The following NEBL variants were observed in gnomAD, a reference collection of about 807,000 sequenced individuals.
NEBL encodes the protein nebulette.
A neutral mutation model predicts 140.2 loss-of-function variants in NEBL; 122 were observed. That is an observed-to-expected ratio of 0.87 (90% confidence interval 0.75 to 1.01). NEBL has a LOEUF of 1.01. Ranked by LOEUF, NEBL falls within the 50% of genes least tolerant of loss-of-function variation. NEBL has a pLI of 0.00. For synonymous variants in NEBL, 436 were observed against 398.9 expected, an observed-to-expected ratio of 1.09 and a Z score of -1.11; for missense variants, 1,365 against 1,231.3, an observed-to-expected ratio of 1.11 and a Z score of -1.62.
intron 3 of NEBL, among the ~76,000 whole-genome samples, chr10:20,973,686 A>T (rs1226870052): frequency 6.6e-6 from 1 of 151,992 alleles, no homozygotes; most frequent in Non-Finnish European, 1.5e-5. Context: ...TTTTAATTTA[A>T]CCTCCTTCTT....
chr10:21,192,840 A>G (rs1841594934), intron 3 of NEBL, among the ~76,000 whole-genome samples: 1 of 151,912 alleles, frequency 6.6e-6, no homozygotes, highest in Admixed American at 6.6e-5. Flanking sequence ...CTCAAAAAAA[A>G]AAAAAAGAGG....
In NEBL at chr10:20,930,589, A is replaced by C. The variant is rs373511767; in HGVS notation, c.357+31083T>G. Among the ~76,000 whole-genome samples the C allele has an allele frequency of 1.4e-4, 22 of 152,172 alleles. 1 individual carries two copies. Among genetic ancestry groups the C allele is most frequent in the African/African-American group, 5.3e-4 (22 of 41,512 alleles). ...CCTAGTCTCTCCTACTAAATCCTAC[A>C]CCAGTTCCCCTTTTGCTCAGTCCAG... On this transcript the variant is annotated intron_variant, in intron 4 of 6. Coordinates refer to the NEBL transcript ENST00000417816.
chr10:21,273,109 T>C (rs962377084), intron 1 of NEBL, among the ~76,000 whole-genome samples: 12 of 152,050 alleles, frequency 7.9e-5, no homozygotes, highest in African/African-American at 2.9e-4. Context: ...CATGATGAAA[T>C]TGGACAGCCA....
Position 20,877,486 on chromosome 10 carries a change from C to A in NEBL, c.480+3308G>T, listed in dbSNP as rs181124168. 2.6e-3 allele frequency among the ~76,000 whole-genome samples: 403 copies of A among 152,290 alleles called. 2 individuals carry two copies. The highest frequency in any genetic ancestry group is 9.5e-3 in the African/African-American group (393 of 41,558). On this transcript the variant is annotated intron_variant, in intron 5 of 27. Coordinates refer to ENST00000377122, the MANE Select transcript of NEBL (RefSeq NM_006393.3). ...TTTTAATAAAAAGCAGCCCCGAAGT[C>A]TTTTTCTTTTCTAACAAAGAGCAGC...
intron 4 of NEBL, among the ~76,000 whole-genome samples, chr10:20,911,159 G>A (rs1449677345): frequency 6.6e-6 from 1 of 152,068 alleles, no homozygotes; most frequent in East Asian, 1.9e-4. Flanking sequence ...ACAAGATCCT[G>A]TCTCAAAAAA....
chr10:20,878,043 G>C (rs1297882240), intron 5 of NEBL, among the ~76,000 whole-genome samples: 2 of 152,100 alleles, frequency 1.3e-5, no homozygotes, highest in Non-Finnish European at 2.9e-5. Context: ...CTACAGTAGA[G>C]GATATTCTAA....
intron 9 of NEBL, 61 bp from the exon 10 acceptor site, chr10:20,852,710 C>T: frequency 2.3e-6 from 3 of 1,326,704 alleles, no homozygotes; most frequent in East Asian, 2.4e-5. Flanking sequence ...GCAATAAATA[C>T]TTAGAAATAC....
At chr10:20,813,195 A>T (rs1429998818) in intron 23 of NEBL, among the ~76,000 whole-genome samples, 1 of 150,776 alleles carries the variant, frequency 6.6e-6, no homozygotes, top group Non-Finnish European at 1.5e-5. Context: ...CTATATATAT[A>T]TTATTAATGA....
At chr10:21,215,390 G>A (rs1453602610) in intron 3 of NEBL, among the ~76,000 whole-genome samples, 1 of 152,162 alleles carries the variant, frequency 6.6e-6, no homozygotes, top group Non-Finnish European at 1.5e-5. Context: ...GCATTTCATG[G>A]TGCTCATAAA....
chr10:21,098,786 T>G (rs1281499552), intron 2 of NEBL, among the ~76,000 whole-genome samples: 2 of 152,230 alleles, frequency 1.3e-5, no homozygotes, highest in Non-Finnish European at 2.9e-5. Context: ...GGCCTCTCAC[T>G]TGAACAGTTG....
chr10:20,883,869 A>G (rs1317583312), intron 4 of NEBL, among the ~76,000 whole-genome samples: 2 of 151,150 alleles, frequency 1.3e-5, no homozygotes, highest in Non-Finnish European at 2.9e-5. Context: ...ACCACTTTAG[A>G]ATTAAGATTA....
chr10:20,922,317 G>T (rs1670875608), intron 4 of NEBL, among the ~76,000 whole-genome samples: 1 of 152,160 alleles, frequency 6.6e-6, no homozygotes, highest in African/African-American at 2.4e-5. Flanking sequence ...CTGTTGTGAG[G>T]CTCTGAATGC....
chr10:20,887,387 A>G (rs1846621512), intron 4 of NEBL, among the ~76,000 whole-genome samples: 1 of 150,236 alleles, frequency 6.7e-6, no homozygotes, highest in Non-Finnish European at 1.5e-5. Flanking sequence ...TTGATGAAGC[A>G]GATCTGTGGA....
chr10:21,122,237 G>A (rs1838613783), intron 2 of NEBL, among the ~76,000 whole-genome samples: 1 of 152,040 alleles, frequency 6.6e-6, no homozygotes, highest in African/African-American at 2.4e-5. Flanking sequence ...TGTTGGCCAG[G>A]CTGGTCTCAA....
At chr10:21,209,418 A>G (rs1841880567) in intron 3 of NEBL, among the ~76,000 whole-genome samples, 1 of 152,146 alleles carries the variant, frequency 6.6e-6, no homozygotes. Flanking sequence ...TAAATCTGGA[A>G]AGTCTAGCCT....
intron 2 of NEBL, chr10:21,126,246 T>C (rs1838829664): frequency 4.3e-6 from 4 of 929,936 alleles, no homozygotes; most frequent in East Asian, 5.1e-5. Context: ...CCAATCCATC[T>C]TCAAAATCAG....
At chr10:21,256,931 G>C (rs1331024086) in intron 1 of NEBL, among the ~76,000 whole-genome samples, 3 of 152,172 alleles carry the variant, frequency 2.0e-5, no homozygotes, top group African/African-American at 7.2e-5. Flanking sequence ...ATGTCTACTG[G>C]TTCTATAAGC....
intron 2 of NEBL, among the ~76,000 whole-genome samples, chr10:21,117,853 G>A (rs768193603): frequency 1.3e-5 from 2 of 151,886 alleles, no homozygotes; most frequent in South Asian, 2.1e-4. Context: ...GTAGCAACTC[G>A]GCCGCTATTA....
intron 3 of NEBL, among the ~76,000 whole-genome samples, chr10:21,214,358 G>C (rs1841957337): frequency 6.6e-6 from 1 of 151,924 alleles, no homozygotes; most frequent in African/African-American, 2.4e-5. Flanking sequence ...TTATGCATTT[G>C]TGCTAAGGGA....
Sources: gnomAD v4.1 joint callset for allele counts (sites outside exome capture counted in the v4.1 genomes callset) on GRCh38, gnomAD v4.1.1 for gene constraint, MANE v1.5 for transcripts, NCBI Gene and HGNC (gene_info 2026-07-23, HGNC 2026-07-21) for gene names.